Variants in CHCHD5 observed in about 807,000 individuals in gnomAD.
The protein encoded by CHCHD5 is coiled-coil-helix-coiled-coil-helix domain-containing protein 5.
In CHCHD5, 10 loss-of-function variants were observed where a neutral mutation model predicts 16.0. That is an observed-to-expected ratio of 0.63 (90% CI 0.39 to 1.06). The LOEUF (loss-of-function observed/expected upper bound fraction) is 1.06. Ranked by LOEUF, CHCHD5 falls within the 50% of genes least tolerant of loss-of-function variation. CHCHD5 has a pLI of 0.01. For missense variants in CHCHD5, 163 were observed against 153.4 expected (o/e 1.06, Z -0.33); for synonymous variants, 55 against 56.3 (o/e 0.98, Z 0.10).
rs548356363 is a variant in CHCHD5, at chr2:112,588,990, G to A, written c.*101G>A. 5.1e-5 allele frequency: 42 copies of A among 822,450 alleles called. No individual in the cohort carries two copies. Among genetic ancestry groups the A allele is most frequent in the African/African-American group, 2.7e-4 (16 of 59,456 alleles). 50.9% of individuals were successfully genotyped at this position (822,450 alleles called of 1,614,324 possible). On this transcript the variant is annotated 3_prime_UTR_variant, in exon 4 of 4. Coordinates refer to ENST00000324913, the MANE Select transcript of CHCHD5 (RefSeq NM_032309.4). ...AGTCCTGAGCCCTGGACATGGGCCC[G>A]GCTTTCCTGGATATCAGGACTTCCA...
chr2:112,587,082 T>G (rs1685248281), intron 3 of CHCHD5: 2 of 155,362 alleles, frequency 1.3e-5, no homozygotes, highest in Admixed American at 1.3e-4. Flanking sequence ...CCAGCCCCTG[T>G]GAGTACCCTC....
chr2:112,584,540 A>G (rs1205743856), upstream of CHCHD5: 10 of 1,434,166 alleles, frequency 7.0e-6, no homozygotes, highest in East Asian at 6.8e-5. Flanking sequence ...TGTTAGTTCA[A>G]TTGGCTACCG....
Position 112,585,959 on chromosome 2 carries a change from C to G in CHCHD5, c.3-15C>G. On this transcript the variant is annotated splice_polypyrimidine_tract_variant and intron_variant, in intron 1 of 3. Transcript: ENST00000324913. The stretch of plus-strand genomic sequence containing the variant: ...CTACTGCCTGGAATGATCCTCAGCC[C>G]ATCCTGTCCCACAGGCAGGCGGCCC... 1 of 1,611,378 alleles carries G rather than the reference C, an allele frequency of 6.2e-7. No homozygotes were observed.
chr2:112,584,773 T>G, intron 1 of CHCHD5, 124 bp downstream of exon 1: 1 of 1,204,098 alleles, frequency 8.3e-7, no homozygotes, highest in South Asian at 1.3e-5. Flanking sequence ...GATCTGACCC[T>G]CAGGATTCAG....
At chr2:112,587,854 A>T (rs1399842069) in intron 3 of CHCHD5, 1 of 152,120 alleles carries the variant, frequency 6.6e-6, no homozygotes, top group Non-Finnish European at 1.5e-5. Flanking sequence ...TGGGCATCTG[A>T]ACAGTAAAGA....
In CHCHD5 at chr2:112,586,382, T is replaced by G. The variant is rs1200720386; in HGVS notation, c.309+17T>G. ...ACTGTGGAGGTAAGAGGGGCTCACCTCAGTTCATCTCTTTTCTCCATAACA... is the reference window on the plus strand; with the variant it reads ...ACTGTGGAGGTAAGAGGGGCTCACCGCAGTTCATCTCTTTTCTCCATAACA... On this transcript the variant is annotated intron_variant, in intron 3 of 3. Transcript: ENST00000324913. The G allele has an allele frequency of 6.2e-7, 1 of 1,614,194 alleles. No individual in the cohort carries two copies. The highest frequency in any genetic ancestry group is 2.2e-5 in the East Asian group (1 of 44,880).
At position 112,586,273 on chromosome 2, in the gene CHCHD5, G is replaced by A. The variant is rs542514193; in HGVS notation, c.217G>A (p.Glu73Lys). 3.1e-6 allele frequency: 5 copies of A among 1,614,210 alleles called. No individual in the cohort carries two copies. Among genetic ancestry groups the A allele is most frequent in the African/African-American group, 1.3e-5 (1 of 75,060 alleles). ...EAFEECLRQN[E>K]AAVGNCAEHM... ...CTTCGAGGAGTGTCTTCGACAGAAC[G>A]AGGCAGCTGTGGGCAACTGTGCAGA... The change falls in exon 3 of 4, where the codon GAG becomes AAG. Residue 73 changes from glutamate (E) to lysine (K), a missense_variant. Physicochemically the swap from Glu to Lys is moderately conservative, Grantham distance 56. Transcript: ENST00000324913.
chr2:112,586,584 C>T (rs1361444107), intron 3 of CHCHD5: 1 of 1,506,678 alleles, frequency 6.6e-7, no homozygotes, highest in Non-Finnish European at 8.9e-7. Context: ...AGGATACCTG[C>T]CCCAGCCTTC....
intron 1 of CHCHD5, among the ~76,000 whole-genome samples, chr2:112,585,600 C>T (rs1447090521): frequency 6.6e-6 from 1 of 152,174 alleles, no homozygotes; most frequent in African/African-American, 2.4e-5. Flanking sequence ...CAGACCCAGA[C>T]CAGAACTCCC....
chr2:112,586,263 T>C lies in CHCHD5; in HGVS notation c.207T>C (p.Leu69=). The C allele has an allele frequency of 6.2e-7, 1 of 1,614,210 alleles. No individual in the cohort carries two copies. Among genetic ancestry groups the C allele is most frequent in the Non-Finnish European group, 8.5e-7 (1 of 1,180,016 alleles). The part of the protein sequence containing the change: ...AQPFEAFEEC[L]RQNEAAVGNC... ...CTTTTGAGGCCTTCGAGGAGTGTCT[T>C]CGACAGAACGAGGCAGCTGTGGGCA... The change falls in exon 3 of 4, where the codon CTT becomes CTC. Residue 69 remains leucine, a synonymous_variant. Coordinates refer to ENST00000324913, the MANE Select transcript of CHCHD5 (RefSeq NM_032309.4).
intron 1 of CHCHD5, among the ~76,000 whole-genome samples, chr2:112,585,583 C>A (rs1444896356): frequency 2.0e-5 from 3 of 152,194 alleles, no homozygotes; most frequent in Non-Finnish European, 4.4e-5. Context: ...AACTCCTAGT[C>A]CTACTTCAGA....
intron 1 of CHCHD5, among the ~76,000 whole-genome samples, chr2:112,585,114 C>T (rs1055793850): frequency 2.0e-5 from 3 of 152,204 alleles, no homozygotes; most frequent in African/African-American, 7.2e-5. Context: ...TCTGACCTTG[C>T]CCAGGATTCC....
upstream of CHCHD5, chr2:112,584,525 G>C (rs1283291256): frequency 3.5e-5 from 43 of 1,226,276 alleles, no homozygotes; most frequent in Admixed American, 1.0e-4. Context: ...TAAAGGGAAC[G>C]GGGTTGTTAG....
At chr2:112,588,803 C>T in intron 3 of CHCHD5, 63 bp from the exon 4 acceptor site, 2 of 1,360,566 alleles carry the variant, frequency 1.5e-6, no homozygotes, top group Non-Finnish European at 1.1e-6. Context: ...GTGGTGTCTA[C>T]ATAGGCTCCC....
intron 1 of CHCHD5, among the ~76,000 whole-genome samples, chr2:112,585,318 C>G (rs1685174657): frequency 6.6e-6 from 1 of 152,226 alleles, no homozygotes; most frequent in Non-Finnish European, 1.5e-5. Context: ...CAAGCTCTCC[C>G]TGGAATTCTA....
At position 112,586,002 on chromosome 2, in the gene CHCHD5, T is replaced by C; in HGVS notation, c.31T>C (p.Tyr11His). Residue 11 changes from tyrosine (Y) to histidine (H), a missense_variant, in exon 2 of 4, where the codon TAC (tyrosine) becomes CAC (histidine). Transcript: ENST00000324913. Reference sequence around the variant, plus strand: ...GGCGGCCCTAGAGGTCACCGCTCGCTACTGTGGCCGGGAGCTGGAGCAGTA... The same window carrying C: ...GGCGGCCCTAGAGGTCACCGCTCGCCACTGTGGCCGGGAGCTGGAGCAGTA... The part of the protein sequence containing the change: MQAALEVTAR[Y>H]CGRELEQYGQ... 6.2e-7 allele frequency: 1 copy of C among 1,614,218 alleles called. No individual in the cohort carries two copies. Among genetic ancestry groups the C allele is most frequent in the Non-Finnish European group, 8.5e-7 (1 of 1,180,026 alleles).
intron 1 of CHCHD5, among the ~76,000 whole-genome samples, chr2:112,585,693 G>T (rs886852927): frequency 6.6e-6 from 1 of 152,098 alleles, no homozygotes; most frequent in African/African-American, 2.4e-5. Flanking sequence ...GAGCCCAGGG[G>T]TTCAATACCA....
chr2:112,584,895 C>A, intron 1 of CHCHD5: 1 of 573,880 alleles, frequency 1.7e-6, no homozygotes, highest in East Asian at 2.8e-5. Context: ...ACTCTTCACC[C>A]AATCTCTGCC....
At chr2:112,588,632 T>C in intron 3 of CHCHD5, 1 of 523,566 alleles carries the variant, frequency 1.9e-6, no homozygotes, top group Non-Finnish European at 3.4e-6. Flanking sequence ...GAGTTTTGCC[T>C]GCTGGGTACA....
Sources: gnomAD v4.1 joint callset for allele counts (sites outside exome capture counted in the v4.1 genomes callset) on GRCh38, gnomAD v4.1.1 for gene constraint, MANE v1.5 for transcripts, NCBI Gene and HGNC (gene_info 2026-07-23, HGNC 2026-07-21) for gene names.